The following ATP8A2 variants were observed in gnomAD, a reference collection of about 807,000 sequenced individuals.
ATP8A2 encodes the protein phospholipid-transporting ATPase IB.
A neutral mutation model predicts 165.6 loss-of-function variants in ATP8A2; 100 were observed. The ratio of observed to expected loss-of-function variants is 0.60; its 90% CI spans 0.51 to 0.71. The LOEUF is 0.71. Among genes scored for constraint, ATP8A2 ranks in the 30% least tolerant of loss-of-function variants. The pLI is 0.00. For missense variants in ATP8A2, 1,227 were observed against 1,479.5 expected, an observed-to-expected ratio of 0.83 and a Z score of 2.80; for synonymous variants, 543 against 548.8, an observed-to-expected ratio of 0.99 and a Z score of 0.15.
intron 24 of ATP8A2, among the ~76,000 whole-genome samples, chr13:25,698,483 C>G (rs1267220602): frequency 6.6e-6 from 1 of 152,092 alleles, no homozygotes; most frequent in Non-Finnish European, 1.5e-5. Context: ...TCCCTCCTGT[C>G]TCGGCCTCCT....
chr13:25,562,323 AATGG>A (rs1171652482), intron 15 of ATP8A2, among the ~76,000 whole-genome samples: 4 of 152,094 alleles, frequency 2.6e-5, no homozygotes, highest in Admixed American at 6.5e-5. Flanking sequence ...TAGCCATCCT[AATGG>A]GTATGAAGTG....
chr13:25,837,125 GAAGGGCTGCT>G (rs761557215), intron 28 of ATP8A2, 28 bp from the exon 29 acceptor site: 1 of 1,600,338 alleles, frequency 6.2e-7, no homozygotes, highest in South Asian at 1.1e-5. Context: ...GTGTGGATCC[GAAGGGCTGCT>G]TTTAATGGCT....
At chr13:25,843,422 A>G (rs1951790702) in intron 30 of ATP8A2, among the ~76,000 whole-genome samples, 1 of 152,114 alleles carries the variant, frequency 6.6e-6, no homozygotes, top group African/African-American at 2.4e-5. Flanking sequence ...CTCAAACTGT[A>G]AGGTGATGGT....
At chr13:25,393,133 C>CTTT (rs113512127) in intron 1 of ATP8A2, among the ~76,000 whole-genome samples, 2 of 138,578 alleles carry the variant, frequency 1.4e-5, no homozygotes, top group Admixed American at 7.3e-5. Flanking sequence ...TATTTACATA[C>CTTT]TTTTTTTTTT....
At chr13:25,626,382 G>T (rs2041100277) in intron 24 of ATP8A2, among the ~76,000 whole-genome samples, 2 of 152,166 alleles carry the variant, frequency 1.3e-5, no homozygotes, top group African/African-American at 4.8e-5. Flanking sequence ...AAGAGCATGT[G>T]TGTCAGCTCA....
At chr13:25,882,343 T>A (rs987975351) in intron 33 of ATP8A2, among the ~76,000 whole-genome samples, 6 of 152,196 alleles carry the variant, frequency 3.9e-5, no homozygotes, top group African/African-American at 1.4e-4. Flanking sequence ...GACTGCTCCC[T>A]CTTCTATTTT....
chr13:25,829,083 C>T (rs1951389618), intron 28 of ATP8A2, among the ~76,000 whole-genome samples: 2 of 152,158 alleles, frequency 1.3e-5, no homozygotes, highest in Admixed American at 1.3e-4. Context: ...CATGCTTTCA[C>T]CCCCCTTTAT....
Position 25,833,900 on chromosome 13 carries a change from TA to T in ATP8A2, c.2755-3261del, listed in dbSNP as rs561792359. ...AAGAGTGCATTTGCATGAAATTTCA[TA>T]ATATAAAGACAGGGTTGATATCTGT... On this transcript the variant is annotated intron_variant, in intron 28 of 36. Transcript: ENST00000381655. 1.1e-3 allele frequency among the ~76,000 whole-genome samples: 164 copies of T among 152,358 alleles called. 1 individual carries two copies. The highest frequency in any genetic ancestry group is 3.8e-3 in the African/African-American group (157 of 41,580).
intron 24 of ATP8A2, among the ~76,000 whole-genome samples, chr13:25,617,776 C>G (rs934831798): frequency 6.6e-6 from 1 of 152,142 alleles, no homozygotes; most frequent in Non-Finnish European, 1.5e-5. Context: ...AAAATTCACG[C>G]AGTTCTGGGG....
At chr13:25,698,260 G>T (rs1169109947) in intron 24 of ATP8A2, among the ~76,000 whole-genome samples, 1 of 149,700 alleles carries the variant, frequency 6.7e-6, no homozygotes, top group African/African-American at 2.5e-5. Flanking sequence ...GGGTCTCACT[G>T]TGTTGTCCAG....
rs913958564 is a variant in ATP8A2, at chr13:25,803,176, A to G, written c.2680-24942A>G. On this transcript the variant is annotated intron_variant, in intron 27 of 36. Transcript: ENST00000381655. The stretch of plus-strand genomic sequence containing the variant: ...GGAGCCAGGAGAGCAGTTCTTGGAT[A>G]CAGAACCACATTTTGGTTGAATGAC... Among the ~76,000 whole-genome samples, 8 of 152,212 alleles carry G rather than the reference A, an allele frequency of 5.3e-5. No individual in the cohort carries two copies. The South Asian group carries it at 1.4e-3, about 28-fold the overall frequency.
chr13:25,872,628 G>A (rs1952709991), intron 33 of ATP8A2, among the ~76,000 whole-genome samples: 1 of 152,162 alleles, frequency 6.6e-6, no homozygotes, highest in African/African-American at 2.4e-5. Context: ...GAAATAGAGA[G>A]GGAAGGAAAT....
chr13:25,397,157 G>A (rs563070749), intron 1 of ATP8A2, among the ~76,000 whole-genome samples: 109 of 152,290 alleles, frequency 7.2e-4, no homozygotes, highest in African/African-American at 2.2e-3. Context: ...TCAGGTTGTC[G>A]CATTCCCAGC....
chr13:25,372,300 G>GGGGCGCGGCGAGGGAGGGT lies in ATP8A2; in HGVS notation c.76+17_76+35dup, dbSNP rs772314213. 1.4e-4 allele frequency: 202 copies of GGGGCGCGGCGAGGGAGGGT among 1,468,134 alleles called. 1 individual carries two copies. The South Asian group carries it at 2.3e-3, about 17-fold the overall frequency. 90.9% of individuals were successfully genotyped at this position (1,468,134 alleles called of 1,614,324 possible). ...CCGCTCGTCCGTGGGTGAGCTGGGAGGGGCGCGGCGAGGGAGGGTGGGCCC... is the reference window on the plus strand; with the variant it reads ...CCGCTCGTCCGTGGGTGAGCTGGGAGGGGCGCGGCGAGGGAGGGTGGGCGCGGCGAGGGAGGGTGGGCCC... On this transcript the variant is annotated intron_variant, in intron 1 of 36. Transcript: ENST00000381655. This position sits in a 1 kb window ranked among gnomAD's most constrained non-coding sequence, Gnocchi z 4.8.
intron 1 of ATP8A2, among the ~76,000 whole-genome samples, chr13:25,402,495 C>T (rs1165554948): frequency 1.3e-5 from 2 of 152,178 alleles, no homozygotes; most frequent in South Asian, 2.1e-4. Flanking sequence ...TTCTTCTGTG[C>T]TGGTGTGCCC....
intron 24 of ATP8A2, among the ~76,000 whole-genome samples, chr13:25,650,207 C>T (rs1238553751): frequency 1.3e-5 from 2 of 152,180 alleles, no homozygotes; most frequent in African/African-American, 2.4e-5. Context: ...TTATTCCATG[C>T]TGTGGACCAC....
At chr13:25,703,575 A>G (rs568163780) in intron 25 of ATP8A2, among the ~76,000 whole-genome samples, 36 of 152,264 alleles carry the variant, frequency 2.4e-4, no homozygotes, top group Non-Finnish European at 4.3e-4. Context: ...CAACCCACAT[A>G]TGAATCCATA....
At chr13:25,859,139 T>C (rs1593460890) in intron 30 of ATP8A2, among the ~76,000 whole-genome samples, 1 of 151,486 alleles carries the variant, frequency 6.6e-6, no homozygotes, top group African/African-American at 2.4e-5. Flanking sequence ...GAGGCAGAGG[T>C]TGCAGTGACC....
At chr13:25,697,443 A>G (rs992326995) in intron 24 of ATP8A2, among the ~76,000 whole-genome samples, 3 of 152,026 alleles carry the variant, frequency 2.0e-5, no homozygotes, top group Admixed American at 2.0e-4. Flanking sequence ...CCACAGCCCG[A>G]CTAATTTTTG....
Sources: allele counts gnomAD v4.1 joint callset (sites outside exome capture counted in the v4.1 genomes callset), GRCh38; gene constraint gnomAD v4.1.1; non-coding constraint Gnocchi (gnomAD v3.1); transcripts MANE v1.5; gene names NCBI Gene and HGNC (gene_info 2026-07-23, HGNC 2026-07-21).